APBB2: variants seen among roughly 807,000 people sequenced by gnomAD.
APBB2 encodes the protein Fe65-like 1.
Under a neutral mutation model 82.5 loss-of-function variants are expected in APBB2, and 38 were observed. The observed-to-expected ratio is 0.46, with a 90% CI of 0.36 to 0.60. The LOEUF (loss-of-function observed/expected upper bound fraction) is 0.60, where lower values mean the gene tolerates loss of function less well. Among genes scored for constraint, APBB2 ranks in the 20% least tolerant of loss-of-function variants. The pLI is 0.00. For missense variants in APBB2, 772 were observed against 972.3 expected (o/e 0.79, Z 2.74); for synonymous variants, 341 against 368.2 (o/e 0.93, Z 0.85).
intron 2 of APBB2, among the ~76,000 whole-genome samples, chr4:41,103,990 T>A (rs1323749909): frequency 6.6e-6 from 1 of 152,264 alleles, no homozygotes; most frequent in Non-Finnish European, 1.5e-5. Flanking sequence ...AATACAGTCA[T>A]GGATTTAGTA....
intron 10 of APBB2, among the ~76,000 whole-genome samples, chr4:40,897,730 C>T (rs1774092628): frequency 6.6e-6 from 1 of 152,160 alleles, no homozygotes; most frequent in Admixed American, 6.5e-5. Flanking sequence ...GCCAGCTTGG[C>T]TTCTTCCCAA....
At chr4:40,901,909 A>ATGTGTGTGTGTGTGTGTGTG (rs35766512) in intron 10 of APBB2, among the ~76,000 whole-genome samples, 134 of 145,534 alleles carry the variant, frequency 9.2e-4, no homozygotes, top group African/African-American at 3.2e-3. Flanking sequence ...ATCCAAAATT[A>ATGTGTGTGTGTGTGTGTGTG]TGTGTGTGTG....
intron 12 of APBB2, chr4:40,881,534 CTTTTT>C (rs71198611): frequency 4.8e-5 from 7 of 145,874 alleles, no homozygotes; most frequent in Non-Finnish European, 8.4e-5. Flanking sequence ...TTTTCTTTTT[CTTTTT>C]TTTTTTTTTT....
intron 12 of APBB2, among the ~76,000 whole-genome samples, chr4:40,856,309 CAGATAAT>C (rs1413197594): frequency 6.6e-6 from 1 of 152,208 alleles, no homozygotes; most frequent in Non-Finnish European, 1.5e-5. Flanking sequence ...TATAGGGAAA[CAGATAAT>C]AGAAAAGGCA....
chr4:41,128,012 G>A (rs1016544854), intron 2 of APBB2, among the ~76,000 whole-genome samples: 2 of 152,084 alleles, frequency 1.3e-5, no homozygotes, highest in African/African-American at 2.4e-5. Context: ...CCCAGGAGGC[G>A]GAGATTGCAG....
chr4:41,194,927 A>C, intron 1 of APBB2, among the ~76,000 whole-genome samples: 4 of 152,158 alleles, frequency 2.6e-5, no homozygotes, highest in African/African-American at 9.7e-5. Context: ...CAGTTTAAGA[A>C]GACGTGTGAT....
intron 10 of APBB2, among the ~76,000 whole-genome samples, chr4:40,900,285 A>G (rs1018730056): frequency 1.3e-5 from 2 of 152,100 alleles, no homozygotes; most frequent in African/African-American, 2.4e-5. Context: ...ATGAGTGCCT[A>G]TTCTTCCCTG....
intron 10 of APBB2, among the ~76,000 whole-genome samples, chr4:40,927,014 C>T (rs1782781054): frequency 6.6e-6 from 1 of 152,234 alleles, no homozygotes; most frequent in South Asian, 2.1e-4. Flanking sequence ...CTTCTCCAGA[C>T]TTAAATACAG....
chr4:41,118,891 G>A (rs187377692), intron 2 of APBB2, among the ~76,000 whole-genome samples: 2 of 152,120 alleles, frequency 1.3e-5, no homozygotes, highest in Non-Finnish European at 2.9e-5. Context: ...TGTAATTCTA[G>A]CACTTTGGCA....
At chr4:41,194,568 C>T in intron 1 of APBB2, among the ~76,000 whole-genome samples, 2 of 152,178 alleles carry the variant, frequency 1.3e-5, no homozygotes, top group Middle Eastern at 3.4e-3. Flanking sequence ...CTGTAGTCCC[C>T]GCTACGTGGG....
At chr4:41,039,495 T>C (rs1414354765) in intron 4 of APBB2, among the ~76,000 whole-genome samples, 3 of 152,238 alleles carry the variant, frequency 2.0e-5, no homozygotes, top group Non-Finnish European at 2.9e-5. Context: ...ACAGTTACTA[T>C]GACAACAGAA....
At chr4:40,896,087 C>G (rs1216047009) in intron 10 of APBB2, among the ~76,000 whole-genome samples, 1 of 149,902 alleles carries the variant, frequency 6.7e-6, no homozygotes, top group Admixed American at 6.7e-5. Context: ...TTTTTTGAGA[C>G]AGGGTCTTGC....
At chr4:41,122,986 C>T (rs572368517) in intron 2 of APBB2, among the ~76,000 whole-genome samples, 2 of 152,302 alleles carry the variant, frequency 1.3e-5, no homozygotes, top group African/African-American at 4.8e-5. Flanking sequence ...CTGCAGTTCC[C>T]TCCACCTGGA....
intron 12 of APBB2, among the ~76,000 whole-genome samples, chr4:40,876,548 G>T (rs148019888): frequency 4.9e-4 from 74 of 152,288 alleles, no homozygotes; most frequent in African/African-American, 1.7e-3. Context: ...CTTGGTGTCT[G>T]CAGGGAATTA....
chr4:40,964,753 A>AACACACACACACACAC (rs61087697), intron 6 of APBB2, among the ~76,000 whole-genome samples: 7,037 of 139,674 alleles, frequency 0.05, 261 homozygotes, highest in African/African-American at 0.091. Flanking sequence ...CCATTGAATA[A>AACACACACACACACAC]ACACACACAC....
intron 4 of APBB2, among the ~76,000 whole-genome samples, chr4:41,051,645 T>C (rs1725974557): frequency 1.3e-5 from 2 of 152,198 alleles, no homozygotes; most frequent in African/African-American, 4.8e-5. Flanking sequence ...CGGTCGCCTC[T>C]AGGCCAGGCT....
intron 3 of APBB2, among the ~76,000 whole-genome samples, chr4:41,098,475 C>T (rs1343129344): frequency 6.6e-6 from 1 of 152,134 alleles, no homozygotes; most frequent in Non-Finnish European, 1.5e-5. Flanking sequence ...TGAGCCACGG[C>T]GTCTGGCCTT....
At chr4:40,920,896 C>G (rs1011801025) in intron 10 of APBB2, among the ~76,000 whole-genome samples, 1 of 151,984 alleles carries the variant, frequency 6.6e-6, no homozygotes, top group East Asian at 1.9e-4. Context: ...AAAAACAAGG[C>G]CAGGGACGGG....
intron 7 of APBB2, among the ~76,000 whole-genome samples, chr4:40,943,888 C>T (rs1578627427): frequency 6.6e-6 from 1 of 152,194 alleles, no homozygotes; most frequent in Non-Finnish European, 1.5e-5. Flanking sequence ...AGGCCAAAGC[C>T]CTCTAACAGC....
Sources: allele counts gnomAD v4.1 joint callset (sites outside exome capture counted in the v4.1 genomes callset), GRCh38; gene constraint gnomAD v4.1.1; transcripts MANE v1.5; gene names NCBI Gene and HGNC (gene_info 2026-07-23, HGNC 2026-07-21).